Variants in PACRG observed in about 807,000 individuals in gnomAD.
The protein encoded by PACRG is parkin coregulated.
PACRG carries 29 observed loss-of-function variants against 29.7 expected under a neutral mutation model. The observed-to-expected ratio is 0.98, with a 90% confidence interval of 0.73 to 1.33. The LOEUF (loss-of-function observed/expected upper bound fraction) is 1.33. Among genes scored for constraint, PACRG ranks in the 40% most tolerant of loss-of-function variants. The pLI, the probability that PACRG is intolerant of heterozygous loss-of-function variation, is 0.00. For synonymous variants in PACRG, 116 were observed against 118.7 expected (o/e 0.98, Z 0.15); for missense variants, 279 against 316.2 (o/e 0.88, Z 0.89).
intron 2 of PACRG, among the ~76,000 whole-genome samples, chr6:162,841,430 T>C (rs933602990): frequency 3.9e-5 from 6 of 152,178 alleles, no homozygotes; most frequent in Admixed American, 1.3e-4. Flanking sequence ...TTCTGTGGGA[T>C]CGGTGGTGAT....
chr6:163,099,053 A>G (rs1033217857), intron 4 of PACRG, among the ~76,000 whole-genome samples: 1 of 152,212 alleles, frequency 6.6e-6, no homozygotes, highest in African/African-American at 2.4e-5. Flanking sequence ...CCTGTGACTC[A>G]GAATCCCTTC....
At chr6:163,059,628 T>C (rs868766426) in intron 2 of PACRG, among the ~76,000 whole-genome samples, 3 of 152,306 alleles carry the variant, frequency 2.0e-5, no homozygotes, top group Admixed American at 6.5e-5. Context: ...CCGTGTCATA[T>C]AGCCAGACTG....
At chr6:162,764,993 C>T (rs767292211) in intron 1 of PACRG, among the ~76,000 whole-genome samples, 90 of 152,056 alleles carry the variant, frequency 5.9e-4, no homozygotes, top group Non-Finnish European at 1.2e-3. Context: ...ATCTACCCAC[C>T]TCAGACTCCC....
At chr6:162,764,645 A>G (rs1364429589) in intron 1 of PACRG, among the ~76,000 whole-genome samples, 1 of 152,084 alleles carries the variant, frequency 6.6e-6, no homozygotes, top group Non-Finnish European at 1.5e-5. Flanking sequence ...ATTTGAATGG[A>G]CTATCCTTAG....
chr6:163,188,517 T>A (rs1458706811), intron 4 of PACRG, among the ~76,000 whole-genome samples: 1 of 152,194 alleles, frequency 6.6e-6, no homozygotes. Flanking sequence ...CCACTGATCC[T>A]CAGGCCTGAA....
At chr6:163,206,436 G>A (rs1477610846) in intron 4 of PACRG, among the ~76,000 whole-genome samples, 2 of 152,060 alleles carry the variant, frequency 1.3e-5, no homozygotes, top group Non-Finnish European at 2.9e-5. Context: ...TTTATCCTAA[G>A]CAAGCTAACA....
chr6:163,135,780 G>A (rs968314457), intron 4 of PACRG, among the ~76,000 whole-genome samples: 2 of 152,148 alleles, frequency 1.3e-5, no homozygotes, highest in Non-Finnish European at 2.9e-5. Flanking sequence ...GAGGTGCATC[G>A]CTCGACAAGC....
intron 2 of PACRG, among the ~76,000 whole-genome samples, chr6:162,826,466 C>CTT (rs576332156): frequency 8.7e-5 from 12 of 138,706 alleles, no homozygotes; most frequent in East Asian, 2.1e-4. Context: ...TTTCTTTTTT[C>CTT]TTTTTTTTTT....
intron 2 of PACRG, among the ~76,000 whole-genome samples, chr6:162,878,454 G>T (rs1187711058): frequency 2.0e-5 from 3 of 152,076 alleles, no homozygotes; most frequent in Admixed American, 2.0e-4. Flanking sequence ...CTTTTTTAGA[G>T]TGTTTGATGC....
At chr6:163,159,372 T>C (rs1188662876) in intron 4 of PACRG, among the ~76,000 whole-genome samples, 1 of 150,188 alleles carries the variant, frequency 6.7e-6, no homozygotes, top group African/African-American at 2.4e-5. Flanking sequence ...ATATAAAATT[T>C]ATTGTTATAT....
intron 2 of PACRG, among the ~76,000 whole-genome samples, chr6:162,898,031 C>T (rs1795292885): frequency 6.6e-6 from 1 of 152,332 alleles, no homozygotes; most frequent in African/African-American, 2.4e-5. Context: ...TTCACAGACA[C>T]TTTCCCAACT....
intron 2 of PACRG, among the ~76,000 whole-genome samples, chr6:162,827,136 AT>A (rs1196721338): frequency 3.9e-5 from 6 of 152,182 alleles, no homozygotes; most frequent in Non-Finnish European, 7.4e-5. Flanking sequence ...TTATTTATAT[AT>A]TTTAAATGCA....
At chr6:162,872,378 C>A (rs538207368) in intron 2 of PACRG, among the ~76,000 whole-genome samples, 11 of 152,268 alleles carry the variant, frequency 7.2e-5, no homozygotes, top group African/African-American at 2.6e-4. Flanking sequence ...TTATCTCTAG[C>A]AGTTGAGTAT....
intron 2 of PACRG, among the ~76,000 whole-genome samples, chr6:163,012,503 T>C (rs115276803): frequency 0.012 from 1,811 of 152,328 alleles, 42 homozygotes; most frequent in African/African-American, 0.042. Flanking sequence ...GTATATACGA[T>C]TTTAAACAAC....
intron 4 of PACRG, among the ~76,000 whole-genome samples, chr6:163,261,414 C>A (rs893617675): frequency 6.6e-6 from 1 of 152,108 alleles, no homozygotes; most frequent in South Asian, 2.1e-4. Context: ...CCTCCCCTTG[C>A]CCCCCACCCC....
intron 2 of PACRG, among the ~76,000 whole-genome samples, chr6:163,029,406 C>T (rs1807449830): frequency 6.6e-6 from 1 of 152,192 alleles, no homozygotes; most frequent in Non-Finnish European, 1.5e-5. Context: ...TCTCTGAGCA[C>T]CTCATGGCCT....
intron 1 of PACRG, among the ~76,000 whole-genome samples, chr6:162,807,827 C>T (rs968806082): frequency 3.3e-5 from 5 of 152,136 alleles, no homozygotes; most frequent in African/African-American, 7.2e-5. Context: ...ACTAAATAAA[C>T]ACAATATCTG....
chr6:162,910,248 G>A lies in PACRG; in HGVS notation c.291+95967G>A, dbSNP rs184473685. ...TTAAATAACTTCCTCAAGGTCACAC[G>A]GGTTCTAAAATGGGGAGCTACTATT... On this transcript the variant is annotated intron_variant, in intron 2 of 4. Coordinates refer to ENST00000366888, the MANE Select transcript of PACRG (RefSeq NM_001080379.2). Among the ~76,000 whole-genome samples, 10 of 152,272 alleles carry A rather than the reference G, an allele frequency of 6.6e-5. 1 individual carries two copies. The highest frequency in any genetic ancestry group is 2.4e-5 in the African/African-American group (1 of 41,558).
chr6:162,889,634 G>A lies in PACRG; in HGVS notation c.291+75353G>A, dbSNP rs374253705. On this transcript the variant is annotated intron_variant, in intron 2 of 4. Transcript: ENST00000366888. Reference sequence around the variant, plus strand: ...TGGCATGGTGTTCTCTTGTATACTTGTGTTTTGAATATGAGTAACAGTCTT... The same window carrying A: ...TGGCATGGTGTTCTCTTGTATACTTATGTTTTGAATATGAGTAACAGTCTT... 1.2e-4 allele frequency among the ~76,000 whole-genome samples: 18 copies of A among 152,258 alleles called. 1 individual carries two copies. In the South Asian group the frequency reaches 3.7e-3, roughly 32 times the overall value.
Sources: gnomAD v4.1 joint callset for allele counts (sites outside exome capture counted in the v4.1 genomes callset) on GRCh38, gnomAD v4.1.1 for gene constraint, MANE v1.5 for transcripts, NCBI Gene and HGNC (gene_info 2026-07-23, HGNC 2026-07-21) for gene names.